Variants in CCSER1 observed in about 807,000 individuals in gnomAD.
CCSER1 encodes serine-rich coiled-coil domain-containing protein 1.
Under a neutral mutation model 82.0 loss-of-function variants are expected in CCSER1, and 41 were observed. The observed-to-expected ratio is 0.50, with a 90% CI of 0.39 to 0.65. The LOEUF (loss-of-function observed/expected upper bound fraction) is 0.65, where lower values mean the gene tolerates loss of function less well. CCSER1 is among the 30% of genes least tolerant of loss of function. The pLI is 0.00. For missense variants in CCSER1, 1,119 were observed against 1,064.2 expected, an observed-to-expected ratio of 1.05 and a Z score of -0.72; for synonymous variants, 414 against 383.9, an observed-to-expected ratio of 1.08 and a Z score of -0.92.
At position 91,085,966 on chromosome 4, in the gene CCSER1, G is replaced by C; in HGVS notation, c.2189G>C (p.Arg730Thr). ...CTTTTTCAGGGTTTAAACTTGAAAA[G>C]ACTAGAGACAGTACAAGGAGGGAGA... ...LLCYDGLNLK[R>T]LETVQGGREA... Residue 730 changes from arginine to threonine, a missense_variant, in exon 10 of 11, where the codon AGA becomes ACA. Arg to Thr is a moderately conservative substitution (Grantham distance 71). Transcript: ENST00000509176. 1 of 1,528,474 alleles carries C rather than the reference G, an allele frequency of 6.5e-7. No individual in the cohort carries two copies. The highest frequency in any genetic ancestry group is 1.4e-5 in the African/African-American group (1 of 72,528). The allele number at this position is 1,528,474 out of a possible 1,614,324, so 94.7% of individuals were successfully genotyped here. A position where few individuals can be genotyped will look rare whatever the true frequency, so the allele number is the denominator to read the frequency against.
intron 10 of CCSER1, among the ~76,000 whole-genome samples, chr4:91,569,131 G>C (rs548798467): frequency 9.7e-4 from 148 of 152,134 alleles, no homozygotes; most frequent in Non-Finnish European, 1.8e-3. Context: ...TTTGGTGTTG[G>C]ATCTTTGGAG....
intron 5 of CCSER1, among the ~76,000 whole-genome samples, chr4:90,556,678 T>C (rs534412973): frequency 1.2e-4 from 18 of 151,972 alleles, no homozygotes; most frequent in Non-Finnish European, 7.4e-5. Flanking sequence ...AAGAGAAATA[T>C]ATTTATTCAT....
At chr4:91,568,920 G>A (rs1164729974) in intron 10 of CCSER1, among the ~76,000 whole-genome samples, 1 of 152,200 alleles carries the variant, frequency 6.6e-6, no homozygotes, top group East Asian at 1.9e-4. Flanking sequence ...TGACACCCTG[G>A]CCATTTGAGT....
intron 5 of CCSER1, among the ~76,000 whole-genome samples, chr4:90,562,983 A>C (rs968581905): frequency 1.3e-5 from 2 of 152,024 alleles, no homozygotes; most frequent in African/African-American, 4.8e-5. Flanking sequence ...TAGTATTATA[A>C]AACTAATATT....
chr4:90,851,265 A>G (rs1224291178), intron 8 of CCSER1, among the ~76,000 whole-genome samples: 1 of 152,224 alleles, frequency 6.6e-6, no homozygotes, highest in African/African-American at 2.4e-5. Flanking sequence ...AAAACATTTC[A>G]GAGAAGCAAA....
chr4:91,594,706 A>G (rs1006479007), intron 10 of CCSER1, among the ~76,000 whole-genome samples: 13 of 152,002 alleles, frequency 8.6e-5, no homozygotes, highest in African/African-American at 2.4e-4. Flanking sequence ...TCTAAATTCT[A>G]TTGTCTTACA....
chr4:91,102,599 A>G (rs186211180), intron 10 of CCSER1, among the ~76,000 whole-genome samples: 170 of 152,342 alleles, frequency 1.1e-3, no homozygotes, highest in South Asian at 2.1e-3. Flanking sequence ...TATTTTTAGA[A>G]TCAGTTAAAC....
chr4:90,639,700 A>G (rs1359394799), intron 6 of CCSER1, among the ~76,000 whole-genome samples: 1 of 152,074 alleles, frequency 6.6e-6, no homozygotes, highest in Non-Finnish European at 1.5e-5. Flanking sequence ...TTGCCATTTT[A>G]TGAGCCTTGG....
chr4:90,942,921 T>C (rs1411148316), intron 9 of CCSER1, among the ~76,000 whole-genome samples: 1 of 147,296 alleles, frequency 6.8e-6, no homozygotes, highest in Non-Finnish European at 1.5e-5. Context: ...ATAAAATGTA[T>C]ATATTATATA....
intron 3 of CCSER1, among the ~76,000 whole-genome samples, chr4:90,353,928 C>T (rs551741702): frequency 1.3e-5 from 2 of 152,280 alleles, no homozygotes; most frequent in Admixed American, 1.3e-4. Context: ...ATCCCTACTT[C>T]TGACTGTATA....
chr4:90,534,275 G>C (rs370767190), intron 5 of CCSER1, among the ~76,000 whole-genome samples: 35 of 152,180 alleles, frequency 2.3e-4, no homozygotes, highest in East Asian at 1.6e-3. Flanking sequence ...GACTACAGGC[G>C]CCCGCCACCA....
At chr4:91,478,524 G>C (rs1757718002) in intron 10 of CCSER1, among the ~76,000 whole-genome samples, 1 of 151,896 alleles carries the variant, frequency 6.6e-6, no homozygotes, top group South Asian at 2.1e-4. Context: ...AACAGTCTCA[G>C]AGATTCTGCA....
intron 5 of CCSER1, among the ~76,000 whole-genome samples, chr4:90,562,026 T>G (rs1160099021): frequency 2.0e-5 from 3 of 151,746 alleles, no homozygotes; most frequent in African/African-American, 4.8e-5. Context: ...CCGTCTCTAC[T>G]AAATATACCA....
At chr4:91,258,387 T>C (rs1030535803) in intron 10 of CCSER1, among the ~76,000 whole-genome samples, 1 of 152,082 alleles carries the variant, frequency 6.6e-6, no homozygotes, top group Non-Finnish European at 1.5e-5. Context: ...CAGAACACCC[T>C]CTTCCTGGGA....
chr4:91,059,832 A>G (rs891964713), intron 9 of CCSER1, among the ~76,000 whole-genome samples: 1 of 152,038 alleles, frequency 6.6e-6, no homozygotes, highest in African/African-American at 2.4e-5. Context: ...ACATGTTTGT[A>G]TGCTTTGGGG....
chr4:90,879,570 GGAA>G (rs377231532), intron 8 of CCSER1, among the ~76,000 whole-genome samples: 2,286 of 110,242 alleles, frequency 0.021, 37 homozygotes, highest in Non-Finnish European at 0.034. Flanking sequence ...AAGAAGAAGA[GGAA>G]GAAGAAGAAG....
intron 1 of CCSER1, among the ~76,000 whole-genome samples, chr4:90,200,536 C>G (rs1033224148): frequency 2.6e-5 from 4 of 151,978 alleles, no homozygotes; most frequent in Non-Finnish European, 1.5e-5. Flanking sequence ...AATGGCCATT[C>G]TAGAGCTTTC....
intron 5 of CCSER1, among the ~76,000 whole-genome samples, chr4:90,617,653 A>G (rs925135923): frequency 4.6e-5 from 7 of 152,138 alleles, no homozygotes; most frequent in Non-Finnish European, 1.0e-4. Context: ...CTTATGATTT[A>G]TAGCCATGTA....
At chr4:91,072,438 A>G (rs1721536243) in intron 9 of CCSER1, among the ~76,000 whole-genome samples, 1 of 149,796 alleles carries the variant, frequency 6.7e-6, no homozygotes, top group Non-Finnish European at 1.5e-5. Context: ...AAAACCAATC[A>G]TTTATTATTT....
Sources: gnomAD v4.1 joint callset for allele counts (sites outside exome capture counted in the v4.1 genomes callset) on GRCh38, gnomAD v4.1.1 for gene constraint, MANE v1.5 for transcripts, NCBI Gene and HGNC (gene_info 2026-07-23, HGNC 2026-07-21) for gene names.